GALNT7: variants seen among roughly 807,000 people sequenced by gnomAD.
The protein encoded by GALNT7 is N-acetylgalactosaminyltransferase 7.
Under a neutral mutation model 82.1 loss-of-function variants are expected in GALNT7, and 60 were observed. The ratio of observed to expected loss-of-function variants is 0.73; its 90% confidence interval spans 0.59 to 0.91. The LOEUF (loss-of-function observed/expected upper bound fraction) is 0.91. Ranked by LOEUF, GALNT7 falls within the 40% of genes least tolerant of loss-of-function variation. GALNT7 has a pLI of 0.00. For synonymous variants in GALNT7, 243 were observed against 275.1 expected (o/e 0.88, Z 1.15); for missense variants, 660 against 804.2 (o/e 0.82, Z 2.17).
intron 1 of GALNT7, among the ~76,000 whole-genome samples, chr4:173,244,271 A>T (rs1182906763): frequency 6.6e-6 from 1 of 152,212 alleles, no homozygotes; most frequent in Non-Finnish European, 1.5e-5. Context: ...TCTCTCATGG[A>T]TAGTGCTGAA....
chr4:173,248,331 C>G lies in GALNT7; in HGVS notation c.478C>G (p.Pro160Ala). The change falls in exon 2 of 12, where the codon CCA (proline) becomes GCA (alanine). Residue 160 changes from proline to alanine, a missense_variant. By Grantham distance (27) the Pro-to-Ala change is conservative. Around this residue, in one of 2 missense-constraint regions of GALNT7, gnomAD observed 527 missense variants for 683.5 expected, o/e 0.77. Transcript: ENST00000265000. ...GEKAKPLVLG[P>A]EFKQAIQASI... The stretch of plus-strand genomic sequence containing the variant: ...GAAAGCCAAGCCATTGGTTTTGGGA[C>G]CAGAATTCAAACAAGCAATTCAAGC... The G allele has an allele frequency of 1.2e-6, 2 of 1,613,552 alleles. No homozygotes were observed. The highest frequency in any genetic ancestry group is 1.7e-6 in the Non-Finnish European group (2 of 1,179,618).
rs773601457 is a variant in GALNT7, at chr4:173,168,981, C to A, written c.126+20C>A. The A allele has an allele frequency of 4.4e-6, 7 of 1,608,700 alleles. No individual in the cohort carries two copies. In the South Asian group the frequency reaches 7.7e-5, roughly 18 times the overall value. On this transcript the variant is annotated intron_variant, in intron 1 of 11. Coordinates refer to ENST00000265000, the MANE Select transcript of GALNT7 (RefSeq NM_017423.3). The stretch of plus-strand genomic sequence containing the variant: ...ATGAGGGTGAGTGACCCGCCCGGCC[C>A]CCTCCGGCGGCAGCGACCGGCAACT...
intron 1 of GALNT7, among the ~76,000 whole-genome samples, chr4:173,229,037 G>A (rs1413741433): frequency 6.6e-6 from 1 of 152,194 alleles, no homozygotes; most frequent in Non-Finnish European, 1.5e-5. Context: ...CATATTGTCA[G>A]TGGCAGACAA....
At chr4:173,277,931 A>C (rs139190355) in intron 2 of GALNT7, among the ~76,000 whole-genome samples, 272 of 152,328 alleles carry the variant, frequency 1.8e-3, no homozygotes, top group Non-Finnish European at 2.9e-3. Flanking sequence ...AGCACCAGCT[A>C]TTGAGGAACT....
intron 1 of GALNT7, among the ~76,000 whole-genome samples, chr4:173,197,063 C>CTT (rs5864189): frequency 0.029 from 3,473 of 117,896 alleles, 155 homozygotes; most frequent in African/African-American, 0.061. Context: ...CTCTCTCTCC[C>CTT]TTTTTTTTTT....
At position 173,321,937 on chromosome 4, in the gene GALNT7, A is replaced by AC. The variant is rs1737834508; in HGVS notation, c.*220_*221insC. The AC allele has an allele frequency of 2.4e-6, 1 of 409,306 alleles. No individual in the cohort carries two copies. The highest frequency in any genetic ancestry group is 3.7e-5 in the Admixed American group (1 of 26,742). The allele number at this position is 409,306 out of a possible 1,614,324, so 25.4% of individuals were successfully genotyped here. A position where few individuals can be genotyped will look rare whatever the true frequency, so the allele number is the denominator to read the frequency against. On this transcript the variant is annotated 3_prime_UTR_variant, in exon 12 of 12. Transcript: ENST00000265000. ...ACTGCTTTTACCTTAAACTTTGTAGATGTTTACATCTTTTTGTTGTGTTTT... is the reference window on the plus strand; with the variant it reads ...ACTGCTTTTACCTTAAACTTTGTAGACTGTTTACATCTTTTTGTTGTGTTTT...
At chr4:173,318,334 A>C (rs967833625) in intron 10 of GALNT7, 97 bp from the exon 11 acceptor site, 15 of 861,576 alleles carry the variant, frequency 1.7e-5, no homozygotes, top group Admixed American at 2.8e-5. Context: ...TAAGTTAGTC[A>C]TTCAATTTAA....
chr4:173,318,000 T>A (rs1737669010), intron 10 of GALNT7, among the ~76,000 whole-genome samples: 1 of 152,230 alleles, frequency 6.6e-6, no homozygotes, highest in Non-Finnish European at 1.5e-5. Flanking sequence ...GGAGTATATA[T>A]TTGTCACTAC....
At chr4:173,282,281 GC>G (rs1239031451) in intron 2 of GALNT7, among the ~76,000 whole-genome samples, 1 of 152,176 alleles carries the variant, frequency 6.6e-6, no homozygotes, top group African/African-American at 2.4e-5. Flanking sequence ...TTTCTGTGGA[GC>G]CCACCATGTA....
chr4:173,268,971 A>G (rs1478307506), intron 2 of GALNT7, among the ~76,000 whole-genome samples: 6 of 152,120 alleles, frequency 3.9e-5, no homozygotes, highest in Admixed American at 3.3e-4. Flanking sequence ...ATTTTTGTAT[A>G]TTTAGTATGG....
chr4:173,244,861 G>T (rs888453526), intron 1 of GALNT7, among the ~76,000 whole-genome samples: 1 of 152,142 alleles, frequency 6.6e-6, no homozygotes, highest in Non-Finnish European at 1.5e-5. Flanking sequence ...GGTGATTGCA[G>T]GTTTTGGATT....
intron 1 of GALNT7, among the ~76,000 whole-genome samples, chr4:173,242,850 C>A (rs1734483174): frequency 2.0e-5 from 3 of 152,204 alleles, no homozygotes. Flanking sequence ...TGTGTCCATT[C>A]CTTCTGCTCC....
At chr4:173,241,099 G>C (rs1337949977) in intron 1 of GALNT7, among the ~76,000 whole-genome samples, 2 of 151,834 alleles carry the variant, frequency 1.3e-5, no homozygotes, top group Non-Finnish European at 2.9e-5. Flanking sequence ...GCCAGGCACA[G>C]TAGTTCATCC....
chr4:173,180,173 T>G (rs1276281136), intron 1 of GALNT7, among the ~76,000 whole-genome samples: 1 of 152,164 alleles, frequency 6.6e-6, no homozygotes, highest in Admixed American at 6.5e-5. Context: ...TATAAACATT[T>G]TAAAAATGAC....
intron 1 of GALNT7, among the ~76,000 whole-genome samples, chr4:173,217,769 A>G (rs1733516892): frequency 6.6e-6 from 1 of 152,218 alleles, no homozygotes; most frequent in African/African-American, 2.4e-5. Flanking sequence ...ATACACATCA[A>G]ACTTCTGTGC....
chr4:173,197,338 G>C lies in GALNT7; in HGVS notation c.126+28377G>C, dbSNP rs1328260014. On this transcript the variant is annotated intron_variant, in intron 1 of 11. Transcript: ENST00000265000. Reference sequence around the variant, plus strand: ...TTAGAGCTATGCTCTCTTAAAAAGAGTAAAGAAATTTCATGTATATGAAGG... The same window carrying C: ...TTAGAGCTATGCTCTCTTAAAAAGACTAAAGAAATTTCATGTATATGAAGG... 3.3e-5 allele frequency among the ~76,000 whole-genome samples: 5 copies of C among 152,120 alleles called. No homozygotes were observed. The South Asian group carries it at 8.3e-4, about 25-fold the overall frequency.
At chr4:173,257,066 G>A (rs1296247015) in intron 2 of GALNT7, among the ~76,000 whole-genome samples, 1 of 152,206 alleles carries the variant, frequency 6.6e-6, no homozygotes, top group Non-Finnish European at 1.5e-5. Context: ...TACACATGTA[G>A]ATCTTTACCT....
At chr4:173,259,656 G>A (rs1244597193) in intron 2 of GALNT7, among the ~76,000 whole-genome samples, 1 of 151,934 alleles carries the variant, frequency 6.6e-6, no homozygotes, top group Non-Finnish European at 1.5e-5. Context: ...TTGTTTTTGA[G>A]AGAGAGCGTC....
chr4:173,317,752 T>C lies in GALNT7; in HGVS notation c.1707+20T>C. 1 of 1,454,098 alleles carries C rather than the reference T, an allele frequency of 6.9e-7. No homozygotes were observed. Among genetic ancestry groups the C allele is most frequent in the Non-Finnish European group, 9.7e-7 (1 of 1,034,274 alleles). 90.1% of individuals were successfully genotyped at this position (1,454,098 alleles called of 1,614,324 possible). ...AATCAGGTAAACCACCTTACTTTTGTGTTTAAGTTGTTCCGTATTGAGGGC... is the reference window on the plus strand; with the variant it reads ...AATCAGGTAAACCACCTTACTTTTGCGTTTAAGTTGTTCCGTATTGAGGGC... On this transcript the variant is annotated intron_variant, in intron 10 of 11. Transcript: ENST00000265000.
Sources: gnomAD v4.1 joint callset for allele counts (sites outside exome capture counted in the v4.1 genomes callset) on GRCh38, gnomAD v4.1.1 for gene constraint, gnomAD v4.1.1 regional missense constraint, MANE v1.5 for transcripts, NCBI Gene and HGNC (gene_info 2026-07-23, HGNC 2026-07-21) for gene names.